FER: variants seen among roughly 807,000 people sequenced by gnomAD.
FER encodes the protein tyrosine-protein kinase Fer.
FER carries 63 observed loss-of-function variants against 111.0 expected under a neutral mutation model. The ratio of observed to expected loss-of-function variants is 0.57; its 90% CI spans 0.46 to 0.70. FER has a LOEUF of 0.70. Ranked by LOEUF, FER falls within the 30% of genes least tolerant of loss-of-function variation. The pLI is 0.00. For synonymous variants in FER, 327 were observed against 313.9 expected (o/e 1.04, Z -0.44); for missense variants, 914 against 954.0 (o/e 0.96, Z 0.55).
chr5:108,894,363 G>T (rs761579204), intron 9 of FER: 12 of 988,918 alleles, frequency 1.2e-5, no homozygotes, highest in Non-Finnish European at 1.5e-5. Context: ...CTGCTGCAAG[G>T]GTTCCTTCCT....
intron 5 of FER, chr5:108,842,512 C>G (rs1002786136): frequency 2.6e-5 from 4 of 151,942 alleles, no homozygotes; most frequent in African/African-American, 9.7e-5. Flanking sequence ...GACTAAAATC[C>G]AGAATCTACA....
At chr5:108,859,147 G>T (rs1236469009) in intron 5 of FER, among the ~76,000 whole-genome samples, 1 of 152,040 alleles carries the variant, frequency 6.6e-6, no homozygotes, top group Non-Finnish European at 1.5e-5. Flanking sequence ...CCACATCCTC[G>T]CCAACAGAGT....
At chr5:108,770,833 T>C (rs1335215068) in intron 2 of FER, among the ~76,000 whole-genome samples, 2 of 152,208 alleles carry the variant, frequency 1.3e-5, no homozygotes, top group Non-Finnish European at 2.9e-5. Flanking sequence ...TTAGGATTGA[T>C]ATTTCAGGTG....
chr5:109,056,540 A>C (rs1773672354), intron 16 of FER, among the ~76,000 whole-genome samples: 1 of 152,188 alleles, frequency 6.6e-6, no homozygotes, highest in Non-Finnish European at 1.5e-5. Flanking sequence ...ATAGAGAATG[A>C]AACGGGTCAC....
At chr5:108,808,010 T>TA (rs199780434) in intron 3 of FER, among the ~76,000 whole-genome samples, 2 of 151,922 alleles carry the variant, frequency 1.3e-5, no homozygotes, top group African/African-American at 2.4e-5. Context: ...TTTTTTTTTT[T>TA]AATTTACTGG....
chr5:108,831,277 A>G (rs1005182632), intron 3 of FER, among the ~76,000 whole-genome samples: 2 of 152,144 alleles, frequency 1.3e-5, no homozygotes, highest in African/African-American at 4.8e-5. Flanking sequence ...TTTTTGTAGC[A>G]TTAACATTCT....
intron 11 of FER, among the ~76,000 whole-genome samples, chr5:108,952,703 T>C (rs1395830852): frequency 6.6e-6 from 1 of 152,104 alleles, no homozygotes; most frequent in Non-Finnish European, 1.5e-5. Flanking sequence ...CCCAGATGAC[T>C]TTTTCCCCCA....
chr5:109,094,291 A>C (rs1256796467), intron 16 of FER, among the ~76,000 whole-genome samples: 2 of 152,082 alleles, frequency 1.3e-5, no homozygotes, highest in Admixed American at 6.6e-5. Flanking sequence ...GCATTATTTC[A>C]GTGAAAGGAG....
intron 8 of FER, among the ~76,000 whole-genome samples, chr5:108,879,701 A>AATATATATATATATATATATATAT (rs1554084618): frequency 3.2e-4 from 32 of 99,062 alleles, no homozygotes; most frequent in Middle Eastern, 5.4e-3. Flanking sequence ...ATTAAAAAAA[A>AATATATATATATATATATATATAT]ATATATATAT....
intron 19 of FER, 139 bp downstream of exon 19, chr5:109,186,461 AT>A: frequency 8.1e-7 from 1 of 1,241,230 alleles, no homozygotes; most frequent in Middle Eastern, 2.7e-4. Flanking sequence ...TCAGAAGCAG[AT>A]TTATCTAACA....
At chr5:109,071,367 A>T (rs1561857428) in intron 16 of FER, among the ~76,000 whole-genome samples, 1 of 152,070 alleles carries the variant, frequency 6.6e-6, no homozygotes, top group Non-Finnish European at 1.5e-5. Flanking sequence ...GGATTTTGGA[A>T]AAATATCACA....
intron 3 of FER, among the ~76,000 whole-genome samples, chr5:108,809,666 A>C (rs1262528761): frequency 6.6e-6 from 1 of 152,070 alleles, no homozygotes; most frequent in Non-Finnish European, 1.5e-5. Context: ...GGGCTTAAGT[A>C]ATCCTCCTAT....
In FER at chr5:109,140,035, A is replaced by C. The variant is rs545082478; in HGVS notation, c.2048+39516A>C. Among the ~76,000 whole-genome samples, 7 of 152,372 alleles carry C rather than the reference A, an allele frequency of 4.6e-5. No individual in the cohort carries two copies. In the South Asian group the frequency reaches 6.2e-4, roughly 14 times the overall value. Reference sequence around the variant, plus strand: ...CAAATTGCGAATATCTTTAGTGCCTAGTAAACAAACAATTCTACCTTGTAT... The same window carrying C: ...CAAATTGCGAATATCTTTAGTGCCTCGTAAACAAACAATTCTACCTTGTAT... On this transcript the variant is annotated intron_variant, in intron 17 of 19. Coordinates refer to ENST00000281092, the MANE Select transcript of FER (RefSeq NM_005246.4).
chr5:108,752,828 T>G (rs1302653354), intron 1 of FER, among the ~76,000 whole-genome samples: 1 of 152,116 alleles, frequency 6.6e-6, no homozygotes. Flanking sequence ...TTACTAATTT[T>G]TATTCATCAT....
chr5:108,749,166 C>T (rs1750134036), intron 1 of FER, among the ~76,000 whole-genome samples: 1 of 152,052 alleles, frequency 6.6e-6, no homozygotes, highest in South Asian at 2.1e-4. Context: ...TTCCTCCGCC[C>T]TCAGCCAGCG....
At chr5:109,138,952 T>G (rs1753204738) in intron 17 of FER, among the ~76,000 whole-genome samples, 1 of 152,052 alleles carries the variant, frequency 6.6e-6, no homozygotes, top group Non-Finnish European at 1.5e-5. Flanking sequence ...CTAACAGAAG[T>G]AGAGGGCCCA....
chr5:109,013,760 T>G (rs113777114), intron 13 of FER, among the ~76,000 whole-genome samples: 16,239 of 150,094 alleles, frequency 0.11, 831 homozygotes, highest in Non-Finnish European at 0.14. Context: ...CCTGACTTTT[T>G]AATGATTGCC....
chr5:108,964,148 TACTC>T (rs1022743928), intron 13 of FER, among the ~76,000 whole-genome samples: 22 of 152,210 alleles, frequency 1.4e-4, no homozygotes, highest in African/African-American at 4.8e-4. Flanking sequence ...ATTTACTTAG[TACTC>T]ACTCTGTGCT....
At chr5:109,125,271 A>G (rs1391848144) in intron 17 of FER, among the ~76,000 whole-genome samples, 1 of 152,152 alleles carries the variant, frequency 6.6e-6, no homozygotes, top group Non-Finnish European at 1.5e-5. Context: ...GAAGTATTAC[A>G]TACTATGGTG....
Sources: allele counts gnomAD v4.1 joint callset (sites outside exome capture counted in the v4.1 genomes callset), GRCh38; gene constraint gnomAD v4.1.1; transcripts MANE v1.5; gene names NCBI Gene and HGNC (gene_info 2026-07-23, HGNC 2026-07-21).